Variants in SOX5 observed in about 807,000 individuals in gnomAD.
SOX5 encodes the protein SRY-box transcription factor 5.
SOX5 carries 9 observed loss-of-function variants against 92.0 expected under a neutral mutation model. The observed-to-expected ratio is 0.10, with a 90% CI of 0.06 to 0.17. SOX5 has a LOEUF of 0.17. Ranked by LOEUF, SOX5 falls within the 10% of genes least tolerant of loss-of-function variation. SOX5 has a pLI of 1.00. For synonymous variants in SOX5, 344 were observed against 336.3 expected (o/e 1.02, Z -0.25); for missense variants, 642 against 944.5 (o/e 0.68, Z 4.20).
chr12:24,521,886 G>A (rs1014001212), intron 1 of SOX5, among the ~76,000 whole-genome samples: 2 of 151,662 alleles, frequency 1.3e-5, no homozygotes, highest in African/African-American at 4.8e-5. Flanking sequence ...CAATCTAATT[G>A]ATACCTCCAA....
chr12:23,702,170 G>A (rs992946047), intron 6 of SOX5, among the ~76,000 whole-genome samples: 1 of 151,520 alleles, frequency 6.6e-6, no homozygotes, highest in Non-Finnish European at 1.5e-5. Context: ...ATACCTATAT[G>A]TCTCAAGATT....
chr12:24,260,521 T>C (rs1941934044), intron 3 of SOX5, among the ~76,000 whole-genome samples: 1 of 152,252 alleles, frequency 6.6e-6, no homozygotes, highest in Non-Finnish European at 1.5e-5. Context: ...AATTGATGTT[T>C]AATGAGTATA....
At chr12:23,582,229 C>T in intron 9 of SOX5, 1 of 984,936 alleles carries the variant, frequency 1.0e-6, no homozygotes, top group Non-Finnish European at 1.2e-6. Flanking sequence ...TGTGGGAGCC[C>T]TCTTTCACCT....
At chr12:23,603,113 A>T (rs2074728371) in intron 9 of SOX5, among the ~76,000 whole-genome samples, 1 of 152,032 alleles carries the variant, frequency 6.6e-6, no homozygotes, top group African/African-American at 2.4e-5. Flanking sequence ...TCTTTTAATA[A>T]TATGGAAAAG....
At chr12:24,106,432 G>A (rs111781789) in intron 4 of SOX5, among the ~76,000 whole-genome samples, 10 of 152,190 alleles carry the variant, frequency 6.6e-5, no homozygotes, top group African/African-American at 1.7e-4. Context: ...AACGGGAAAC[G>A]TAAAATAATT....
intron 1 of SOX5, among the ~76,000 whole-genome samples, chr12:23,924,586 C>G (rs1437078824): frequency 1.3e-5 from 2 of 152,082 alleles, no homozygotes; most frequent in Non-Finnish European, 2.9e-5. Context: ...TTTGTAAAGT[C>G]TATAACTTGC....
chr12:24,283,416 G>T (rs966164288), intron 2 of SOX5, among the ~76,000 whole-genome samples: 2 of 152,204 alleles, frequency 1.3e-5, no homozygotes, highest in Non-Finnish European at 2.9e-5. Flanking sequence ...AGTGTTGGAA[G>T]GCCAGGACTG....
intron 2 of SOX5, among the ~76,000 whole-genome samples, chr12:23,877,894 T>C (rs544556201): frequency 6.6e-6 from 1 of 152,152 alleles, no homozygotes; most frequent in South Asian, 2.1e-4. Flanking sequence ...TTTATTAGTA[T>C]ATAAAAAAGT....
intron 11 of SOX5, among the ~76,000 whole-genome samples, chr12:23,563,019 C>T (rs1000104105): frequency 4.6e-5 from 7 of 152,110 alleles, no homozygotes; most frequent in South Asian, 4.2e-4. Context: ...AAGCTGGTGG[C>T]GTAAAAGGGG....
chr12:24,331,870 A>C (rs1951362502), intron 2 of SOX5, among the ~76,000 whole-genome samples: 1 of 149,996 alleles, frequency 6.7e-6, no homozygotes, highest in Non-Finnish European at 1.5e-5. Context: ...AAAAAAAAAA[A>C]AAAAAGGAAA....
chr12:23,932,558 A>C (rs1398365584), intron 1 of SOX5, among the ~76,000 whole-genome samples: 3 of 151,708 alleles, frequency 2.0e-5, no homozygotes, highest in African/African-American at 7.2e-5. Context: ...CTTACTTTCA[A>C]GTGAATCAGA....
At chr12:24,112,623 TGAGCTCAAAC>T (rs1379764722) in intron 4 of SOX5, among the ~76,000 whole-genome samples, 1 of 150,288 alleles carries the variant, frequency 6.7e-6, no homozygotes, top group Admixed American at 6.7e-5. Flanking sequence ...CTTGACTTTC[TGAGCTCAAAC>T]GATCATCCCA....
chr12:23,981,703 T>C (rs1411455484), intron 4 of SOX5, among the ~76,000 whole-genome samples: 2 of 152,164 alleles, frequency 1.3e-5, no homozygotes, highest in Non-Finnish European at 2.9e-5. Context: ...TGTTTTTTCT[T>C]GTTTCTGGAG....
chr12:23,651,594 T>A (rs937699333), intron 7 of SOX5, among the ~76,000 whole-genome samples: 1 of 151,964 alleles, frequency 6.6e-6, no homozygotes, highest in Non-Finnish European at 1.5e-5. Flanking sequence ...GTGAAATGAA[T>A]CAAAACTATA....
Position 23,837,279 on chromosome 12 carries a change from TTATATTTATATTTATATAA to T in SOX5, c.481+8685_481+8703del, listed in dbSNP as rs1568204825. 1.4e-3 allele frequency among the ~76,000 whole-genome samples: 101 copies of T among 74,584 alleles called. 1 individual carries two copies. The East Asian group carries it at 0.11, about 78-fold the overall frequency. 48.9% of individuals were successfully genotyped at this position (74,584 alleles called of 152,430 possible). A position where few individuals can be genotyped will look rare whatever the true frequency, so the allele number is the denominator to read the frequency against. On this transcript the variant is annotated intron_variant, in intron 3 of 14. Transcript: ENST00000451604. ...TATTTATATAATATATAATATGTAT[TTATATTTATATTTATATAA>T]TATATAAGATATATTTATATTTATA...
chr12:23,796,060 C>T (rs2095556481), intron 3 of SOX5, among the ~76,000 whole-genome samples: 2 of 152,124 alleles, frequency 1.3e-5, no homozygotes, highest in South Asian at 4.1e-4. Flanking sequence ...CTAACTGTTA[C>T]TTATTGATAC....
intron 1 of SOX5, among the ~76,000 whole-genome samples, chr12:24,382,730 G>C (rs535111883): frequency 1.3e-5 from 2 of 152,276 alleles, no homozygotes; most frequent in Middle Eastern, 3.4e-3. Flanking sequence ...GGTGGTGAGA[G>C]GTGCTCAGAT....
chr12:23,802,870 T>G (rs1048972694), intron 3 of SOX5, among the ~76,000 whole-genome samples: 1 of 152,206 alleles, frequency 6.6e-6, no homozygotes, highest in Non-Finnish European at 1.5e-5. Context: ...GTCTGGCTTC[T>G]GATCCGATTA....
chr12:23,838,846 G>A (rs1388002272), intron 3 of SOX5, among the ~76,000 whole-genome samples: 1 of 95,736 alleles, frequency 1.0e-5, no homozygotes, highest in African/African-American at 3.8e-5. Flanking sequence ...TTTTTTTTGG[G>A]GGGGGGGGGC....
Sources: allele counts gnomAD v4.1 joint callset (sites outside exome capture counted in the v4.1 genomes callset), GRCh38; gene constraint gnomAD v4.1.1; transcripts MANE v1.5; gene names NCBI Gene and HGNC (gene_info 2026-07-23, HGNC 2026-07-21).